Variants in FGF14 observed in about 807,000 individuals in gnomAD.
FGF14 encodes the protein fibroblast growth factor 14, also known as fibroblast growth factor homologous factor 4.
A neutral mutation model predicts 25.5 loss-of-function variants in FGF14; 5 were observed. That is an observed-to-expected ratio of 0.20 (90% CI 0.10 to 0.41). The LOEUF (loss-of-function observed/expected upper bound fraction) is 0.41, where lower values mean the gene tolerates loss of function less well. Among genes scored for constraint, FGF14 ranks in the 10% least tolerant of loss-of-function variants. The pLI is 1.00. For missense variants in FGF14, 222 were observed against 320.1 expected, an observed-to-expected ratio of 0.69 and a Z score of 2.34; for synonymous variants, 138 against 118.3, an observed-to-expected ratio of 1.17 and a Z score of -1.08.
chr13:101,977,346 A>AT (rs200977914), intron 1 of FGF14, among the ~76,000 whole-genome samples: 30 of 152,042 alleles, frequency 2.0e-4, no homozygotes, highest in African/African-American at 7.0e-4. Context: ...AAAAAAAATG[A>AT]TTTTTTCCTG....
intron 1 of FGF14, chr13:102,300,269 T>C (rs2054960537): frequency 6.6e-6 from 1 of 152,166 alleles, no homozygotes; most frequent in African/African-American, 2.4e-5. Context: ...TCTTGTTGCT[T>C]CCTCAAATCT....
intron 1 of FGF14, among the ~76,000 whole-genome samples, chr13:101,913,153 T>C (rs1159444864): frequency 6.6e-6 from 1 of 152,178 alleles, no homozygotes; most frequent in Non-Finnish European, 1.5e-5. Context: ...CAGGTGAATG[T>C]AGAAGTGAGG....
At chr13:102,060,824 C>T (rs2140103577) in intron 1 of FGF14, among the ~76,000 whole-genome samples, 1 of 152,206 alleles carries the variant, frequency 6.6e-6, no homozygotes, top group African/African-American at 2.4e-5. Context: ...CCAAATGTTG[C>T]ATTTTCCAAG....
intron 1 of FGF14, among the ~76,000 whole-genome samples, chr13:102,066,139 A>G (rs997036768): frequency 6.6e-6 from 1 of 152,154 alleles, no homozygotes; most frequent in African/African-American, 2.4e-5. Context: ...CCTGGTTTTA[A>G]GCAGGAGGTT....
intron 1 of FGF14, among the ~76,000 whole-genome samples, chr13:102,264,801 A>C (rs2052905544): frequency 6.6e-6 from 1 of 152,092 alleles, no homozygotes; most frequent in Non-Finnish European, 1.5e-5. Flanking sequence ...GTACACAGTG[A>C]CTGTCAGGAG....
At chr13:101,956,163 T>C (rs1198947407) in intron 1 of FGF14, among the ~76,000 whole-genome samples, 1 of 152,232 alleles carries the variant, frequency 6.6e-6, no homozygotes, top group East Asian at 1.9e-4. Flanking sequence ...TGAGGCATGC[T>C]GCATGAAAAA....
At chr13:102,259,953 G>A (rs1480434563) in intron 1 of FGF14, among the ~76,000 whole-genome samples, 1 of 152,132 alleles carries the variant, frequency 6.6e-6, no homozygotes. Context: ...AGTCCTCACC[G>A]GACAGAGGGA....
chr13:101,819,774 T>C (rs1007525557), intron 3 of FGF14, among the ~76,000 whole-genome samples: 2 of 152,204 alleles, frequency 1.3e-5, no homozygotes, highest in Non-Finnish European at 2.9e-5. Flanking sequence ...ATCAAATACA[T>C]GTCTTATGAT....
At chr13:101,813,330 G>A (rs1318952275) in intron 3 of FGF14, among the ~76,000 whole-genome samples, 1 of 152,184 alleles carries the variant, frequency 6.6e-6, no homozygotes, top group African/African-American at 2.4e-5. Context: ...TTAGGAGGAG[G>A]TTACTGAGGA....
chr13:102,381,654 GA>G (rs1295547520), intron 1 of FGF14, among the ~76,000 whole-genome samples: 2 of 152,168 alleles, frequency 1.3e-5, no homozygotes, highest in Non-Finnish European at 2.9e-5. Context: ...TTAATTTCTT[GA>G]AAGTGCTTAT....
chr13:101,966,514 G>A (rs746337077), intron 1 of FGF14, among the ~76,000 whole-genome samples: 5 of 151,998 alleles, frequency 3.3e-5, no homozygotes, highest in South Asian at 2.1e-4. Context: ...ACAGAGTCTC[G>A]CTCTGTCGCC....
intron 1 of FGF14, among the ~76,000 whole-genome samples, chr13:102,093,719 G>GA (rs1205573473): frequency 6.6e-6 from 1 of 151,200 alleles, no homozygotes; most frequent in African/African-American, 2.4e-5. Context: ...GACATTACAA[G>GA]AAACAGTTAA....
intron 1 of FGF14, among the ~76,000 whole-genome samples, chr13:102,037,699 T>C (rs2041542004): frequency 6.6e-6 from 1 of 152,174 alleles, no homozygotes; most frequent in African/African-American, 2.4e-5. Context: ...TTAATAATTG[T>C]CTTGTTTCAA....
intron 3 of FGF14, among the ~76,000 whole-genome samples, chr13:101,761,419 C>A (rs1009275442): frequency 3.3e-5 from 5 of 152,168 alleles, no homozygotes; most frequent in Non-Finnish European, 7.3e-5. Context: ...ACAGTGACTG[C>A]TGCCTGTCAC....
intron 3 of FGF14, among the ~76,000 whole-genome samples, chr13:101,844,485 T>C (rs1214160759): frequency 1.3e-5 from 2 of 152,048 alleles, no homozygotes; most frequent in Admixed American, 1.3e-4. Flanking sequence ...GAATTTAGCA[T>C]TTTATTTAAC....
intron 3 of FGF14, among the ~76,000 whole-genome samples, chr13:101,768,151 C>T (rs976011911): frequency 1.3e-5 from 2 of 151,838 alleles, no homozygotes; most frequent in African/African-American, 2.4e-5. Flanking sequence ...AAAAATAATA[C>T]ATACCTTAAA....
intron 1 of FGF14, among the ~76,000 whole-genome samples, chr13:102,039,976 T>C (rs1028053127): frequency 2.7e-5 from 4 of 149,582 alleles, no homozygotes; most frequent in Non-Finnish European, 3.0e-5. Context: ...GTTTACATGT[T>C]AAAAAAAAAA....
intron 1 of FGF14, among the ~76,000 whole-genome samples, chr13:102,078,669 T>TA (rs2043478396): frequency 6.6e-6 from 1 of 152,084 alleles, no homozygotes; most frequent in Non-Finnish European, 1.5e-5. Context: ...TGGAAGTTCA[T>TA]AGAGACCCAG....
chr13:102,064,850 A>G (rs1364998560), intron 1 of FGF14, among the ~76,000 whole-genome samples: 1 of 152,078 alleles, frequency 6.6e-6, no homozygotes, highest in East Asian at 1.9e-4. Flanking sequence ...GCTATATGAA[A>G]ATACTATGCC....
Sources: allele counts gnomAD v4.1 joint callset (sites outside exome capture counted in the v4.1 genomes callset), GRCh38; gene constraint gnomAD v4.1.1; transcripts MANE v1.5; gene names NCBI Gene and HGNC (gene_info 2026-07-23, HGNC 2026-07-21).